The following MLIP variants were observed in gnomAD, a reference collection of about 807,000 sequenced individuals.
MLIP encodes muscular LMNA-interacting protein.
A neutral mutation model predicts 84.8 loss-of-function variants in MLIP; 79 were observed. That is an observed-to-expected ratio of 0.93 (90% CI 0.78 to 1.12). MLIP has a LOEUF of 1.12. MLIP is among the 50% of genes most tolerant of loss of function. The pLI, the probability that MLIP is intolerant of heterozygous loss-of-function variation, is 0.00. For synonymous variants in MLIP, 504 were observed against 463.0 expected (o/e 1.09, Z -1.14); for missense variants, 1,257 against 1,160.6 (o/e 1.08, Z -1.21).
chr6:54,059,923 T>G (rs1490001497), intron 1 of MLIP, among the ~76,000 whole-genome samples: 1 of 152,268 alleles, frequency 6.6e-6, no homozygotes, highest in Non-Finnish European at 1.5e-5. Context: ...TCAAAATATT[T>G]TGAGCCTTGA....
chr6:54,213,728 A>ACAACAAC (rs375011233), intron 11 of MLIP, among the ~76,000 whole-genome samples: 1 of 40,806 alleles, frequency 2.5e-5, no homozygotes, highest in African/African-American at 5.2e-5. Flanking sequence ...AAAAAAAAAA[A>ACAACAAC]AAAAAAAACA....
upstream of MLIP, among the ~76,000 whole-genome samples, chr6:54,106,701 G>A (rs897259819): frequency 1.3e-5 from 2 of 152,144 alleles, no homozygotes; most frequent in Admixed American, 6.5e-5. Flanking sequence ...GAAAATTTTG[G>A]GAGGTGGGGA....
rs184872165 is a variant in MLIP, at chr6:54,245,915, A to T, written c.2923-11393A>T. On this transcript the variant is annotated intron_variant, in intron 12 of 13. Coordinates refer to ENST00000502396, the MANE Select transcript of MLIP (RefSeq NM_001281747.2). ...GGGCAAAATTTTTCTATGTTGCTTT[A>T]TCTTGCTTAATGTGACCACTGTTTT... Among the ~76,000 whole-genome samples the T allele has an allele frequency of 4.6e-3, 701 of 152,216 alleles. 9 individuals carry two copies. The highest frequency in any genetic ancestry group is 0.016 in the African/African-American group (663 of 41,530).
intron 9 of MLIP, among the ~76,000 whole-genome samples, chr6:54,180,556 T>C (rs1385145578): frequency 6.6e-6 from 1 of 152,226 alleles, no homozygotes; most frequent in Admixed American, 6.5e-5. Context: ...CTTTGCACAT[T>C]TTCAAATTAC....
chr6:54,102,107 G>A (rs1768696620), intron 1 of MLIP, among the ~76,000 whole-genome samples: 1 of 152,142 alleles, frequency 6.6e-6, no homozygotes, highest in Non-Finnish European at 1.5e-5. Context: ...GGGAGCAAAT[G>A]AGGTGCAACA....
intron 4 of MLIP, among the ~76,000 whole-genome samples, chr6:54,141,312 C>CTTTTTTT (rs376576497): frequency 0.047 from 5,969 of 128,236 alleles, 802 homozygotes; most frequent in African/African-American, 0.17. Flanking sequence ...CTCAGCCTGC[C>CTTTTTTT]TTTTTTTTTT....
chr6:54,239,319 G>A (rs1781568170), intron 12 of MLIP, among the ~76,000 whole-genome samples: 1 of 146,046 alleles, frequency 6.8e-6, no homozygotes, highest in African/African-American at 2.7e-5. Flanking sequence ...CTCCTATGTA[G>A]ATGATCATGT....
intron 10 of MLIP, among the ~76,000 whole-genome samples, chr6:54,196,156 C>A (rs1778278777): frequency 6.6e-6 from 1 of 152,014 alleles, no homozygotes; most frequent in South Asian, 2.1e-4. Context: ...TAATGGAAGA[C>A]CTCAAGGAGT....
Position 54,266,273 on chromosome 6 carries a change from A to T in MLIP, c.*318A>T, listed in dbSNP as rs1025384902. 1 of 275,594 alleles carries T rather than the reference A, an allele frequency of 3.6e-6. No individual in the cohort carries two copies. The highest frequency in any genetic ancestry group is 2.2e-5 in the African/African-American group (1 of 45,776). 17.1% of individuals were successfully genotyped at this position (275,594 alleles called of 1,614,324 possible). On this transcript the variant is annotated 3_prime_UTR_variant, in exon 14 of 14. Transcript: ENST00000502396. ...AGCCAAATAAAGAAGAATCGTGGGT[A>T]AATAGAAGAATGGCTGTGACTATTT...
chr6:54,056,381 T>A (rs1455654030), intron 1 of MLIP, among the ~76,000 whole-genome samples: 3 of 152,194 alleles, frequency 2.0e-5, no homozygotes, highest in African/African-American at 7.2e-5. Context: ...CATAAAGGCT[T>A]TTGCTAATCT....
At chr6:54,095,524 C>T (rs952489764) in intron 1 of MLIP, among the ~76,000 whole-genome samples, 1 of 151,950 alleles carries the variant, frequency 6.6e-6, no homozygotes, top group African/African-American at 2.4e-5. Flanking sequence ...TTTTCCTTTC[C>T]CTTCCAATCC....
At chr6:54,132,635 G>A (rs1261279409) in intron 3 of MLIP, among the ~76,000 whole-genome samples, 1 of 152,156 alleles carries the variant, frequency 6.6e-6, no homozygotes, top group Admixed American at 6.6e-5. Flanking sequence ...CAGAACAGTA[G>A]AGGAAGCCAA....
At chr6:54,060,451 G>A (rs766655076) in intron 1 of MLIP, among the ~76,000 whole-genome samples, 2 of 152,198 alleles carry the variant, frequency 1.3e-5, no homozygotes, top group African/African-American at 2.4e-5. Context: ...TAGAGTCAGA[G>A]AAAACAGGAA....
At chr6:54,068,057 T>TTCCA (rs1766299617) in intron 1 of MLIP, among the ~76,000 whole-genome samples, 1 of 68,210 alleles carries the variant, frequency 1.5e-5, no homozygotes, top group African/African-American at 3.3e-5. Context: ...CCTTCCTTCC[T>TTCCA]TCCTTCCTTC....
At chr6:54,063,694 A>T (rs1479414811) in intron 1 of MLIP, among the ~76,000 whole-genome samples, 1 of 121,470 alleles carries the variant, frequency 8.2e-6, no homozygotes, top group African/African-American at 4.1e-5. Flanking sequence ...ATGGAGTGGG[A>T]TGGGGTAGGC....
intron 1 of MLIP, among the ~76,000 whole-genome samples, chr6:54,061,623 G>T (rs1194156194): frequency 1.3e-5 from 2 of 152,296 alleles, no homozygotes; most frequent in East Asian, 1.9e-4. Flanking sequence ...AATTTAAGTG[G>T]TATCGAATAA....
At chr6:54,201,586 A>T (rs187455546) in intron 10 of MLIP, among the ~76,000 whole-genome samples, 35 of 152,244 alleles carry the variant, frequency 2.3e-4, no homozygotes, top group African/African-American at 7.7e-4. Context: ...GAGACAATCT[A>T]TTTGCCACCC....
intron 9 of MLIP, among the ~76,000 whole-genome samples, chr6:54,173,922 C>T (rs1453467839): frequency 1.3e-5 from 2 of 151,528 alleles, no homozygotes; most frequent in African/African-American, 2.4e-5. Context: ...CATTCTTCTG[C>T]TCTCTATCTC....
intron 11 of MLIP, among the ~76,000 whole-genome samples, chr6:54,213,699 CTT>C (rs1399478815): frequency 1.3e-5 from 1 of 77,188 alleles, no homozygotes; most frequent in East Asian, 3.9e-4. Flanking sequence ...TGGAGTGAGA[CTT>C]TGTCTCAAAA....
Sources: allele counts gnomAD v4.1 joint callset (sites outside exome capture counted in the v4.1 genomes callset), GRCh38; gene constraint gnomAD v4.1.1; transcripts MANE v1.5; gene names NCBI Gene and HGNC (gene_info 2026-07-23, HGNC 2026-07-21).